The following PHF21B variants were observed in gnomAD, a reference collection of about 807,000 sequenced individuals.
PHF21B encodes PHD finger protein 4.
Under a neutral mutation model 62.2 loss-of-function variants are expected in PHF21B, and 22 were observed. That is an observed-to-expected ratio of 0.35 (90% CI 0.25 to 0.51). PHF21B has a LOEUF of 0.51. PHF21B is among the 20% of genes least tolerant of loss of function. The pLI is 0.97. For missense variants in PHF21B, 701 were observed against 707.9 expected, an observed-to-expected ratio of 0.99 and a Z score of 0.11; for synonymous variants, 341 against 314.7, an observed-to-expected ratio of 1.08 and a Z score of -0.88.
intron 4 of PHF21B, 116 bp from the exon 5 acceptor site, chr22:44,914,204 C>T: frequency 3.5e-6 from 2 of 569,364 alleles, no homozygotes; most frequent in Non-Finnish European, 6.3e-6. Context: ...CCAGGCCAAC[C>T]TGGGAGGGCG....
intron 2 of PHF21B, among the ~76,000 whole-genome samples, chr22:44,942,822 A>T (rs1365177432): frequency 6.6e-6 from 1 of 152,150 alleles, no homozygotes; most frequent in East Asian, 1.9e-4. Context: ...TTCAGCAGCA[A>T]ACCCTTGCCC....
Position 45,008,624 on chromosome 22 carries a change from G to T in PHF21B, c.55-14C>A, listed in dbSNP as rs1260752918. The T allele has an allele frequency of 1.3e-6, 2 of 1,578,562 alleles. No homozygotes were observed. The highest frequency in any genetic ancestry group is 1.8e-4 in the Middle Eastern group (1 of 5,576). ...GAGGTCGCCGTTCTGCGGAAACACG[G>T]AGGAGCGGGCTCAGGCAGGCCACCC... On this transcript the variant is annotated splice_polypyrimidine_tract_variant and intron_variant, in intron 1 of 12. Transcript: ENST00000313237.
intron 2 of PHF21B, 49 bp from the exon 3 acceptor site, chr22:44,920,539 C>G (rs770773868): frequency 1.4e-6 from 2 of 1,460,292 alleles, no homozygotes; most frequent in Non-Finnish European, 1.9e-6. Flanking sequence ...CAGCTGAGAC[C>G]GAATCCGTTG....
chr22:44,885,356 C>A, intron 12 of PHF21B, 70 bp downstream of exon 12: 1 of 1,401,078 alleles, frequency 7.1e-7, no homozygotes, highest in South Asian at 1.3e-5. Flanking sequence ...AAGGACACAT[C>A]TATCTGTCCC....
chr22:44,886,795 C>A (rs1292881832), intron 10 of PHF21B, among the ~76,000 whole-genome samples: 2 of 152,190 alleles, frequency 1.3e-5, no homozygotes, highest in Non-Finnish European at 2.9e-5. Context: ...TATCCACAGC[C>A]TTTGATCCCC....
Position 44,998,226 on chromosome 22 carries a change from A to T in PHF21B, c.120+10319T>A, listed in dbSNP as rs183336699. On this transcript the variant is annotated intron_variant, in intron 2 of 12. Transcript: ENST00000313237. ...AGAGTCTAGCAACCATTCTCAAAAC[A>T]CCCAGGTGTCCTGAGGGTCCTTTCT... 1.7e-3 allele frequency among the ~76,000 whole-genome samples: 261 copies of T among 152,294 alleles called. 5 individuals carry two copies. Among genetic ancestry groups the T allele is most frequent in the Admixed American group, 0.015 (231 of 15,292 alleles).
At chr22:44,928,147 A>G (rs2071669512) in intron 2 of PHF21B, among the ~76,000 whole-genome samples, 1 of 152,140 alleles carries the variant, frequency 6.6e-6, no homozygotes, top group African/African-American at 2.4e-5. Flanking sequence ...GCCAGGGCAG[A>G]GGGGTTCCAG....
rs758157269 is a variant in PHF21B, at chr22:44,920,419, T to C, written c.192A>G (p.Gln64=). 2 of 1,612,028 alleles carry C rather than the reference T, an allele frequency of 1.2e-6. No homozygotes were observed. Among genetic ancestry groups the C allele is most frequent in the Non-Finnish European group, 1.7e-6 (2 of 1,178,884 alleles). The change falls in exon 3 of 13, where the codon CAA becomes CAG. Residue 64 remains glutamine (Q), a synonymous_variant. Transcript: ENST00000313237. ...QVSSLQRLAG[Q]GAAVLPQVRP... ...TTACCTGAGGTAGCACTGCCGCTCC[T>C]TGCCCGGCCAACCTCTGCAAGGAGC...
chr22:44,993,778 C>G (rs1310068918), intron 2 of PHF21B, among the ~76,000 whole-genome samples: 1 of 152,238 alleles, frequency 6.6e-6, no homozygotes, highest in Non-Finnish European at 1.5e-5. Context: ...GGCTGTGCTT[C>G]TAAAGCAATC....
chr22:44,932,600 G>T (rs2071763499), intron 2 of PHF21B, among the ~76,000 whole-genome samples: 1 of 152,238 alleles, frequency 6.6e-6, no homozygotes, highest in South Asian at 2.1e-4. Flanking sequence ...AGTCCCGCTG[G>T]CCTCAGCTTC....
chr22:44,896,880 G>GTTTGTTTTT (rs1555933165), intron 5 of PHF21B, among the ~76,000 whole-genome samples: 1 of 84,092 alleles, frequency 1.2e-5, no homozygotes, highest in African/African-American at 4.1e-5. Context: ...AGTTTTATCT[G>GTTTGTTTTT]TTTTTTTTTT....
intron 5 of PHF21B, among the ~76,000 whole-genome samples, chr22:44,903,593 C>T (rs879281148): frequency 8.5e-5 from 13 of 152,216 alleles, no homozygotes; most frequent in Admixed American, 2.0e-4. Context: ...GATCAACTGG[C>T]TTCATTCTGA....
intron 2 of PHF21B, among the ~76,000 whole-genome samples, chr22:44,957,459 G>A (rs1383404856): frequency 1.3e-5 from 2 of 152,196 alleles, no homozygotes; most frequent in African/African-American, 2.4e-5. Flanking sequence ...GCCACTGTCC[G>A]TCCTCATGCT....
At position 44,885,433 on chromosome 22, in the gene PHF21B, G is replaced by T; in HGVS notation, c.1370C>A (p.Ala457Glu). ...CCAGGCCCCGGGGCACACCTGCACT[G>T]CTGACGCCAGCCGCCGGTCCCGCTC... ...LEERDRRLAS[A>E]VQKCLELKTS... is the part of the protein sequence containing the mutation. The change falls in exon 12 of 13, where the codon GCA becomes GAA. Residue 457 changes from alanine to glutamate, a missense_variant. Physicochemically the swap from Ala to Glu is moderately radical, Grantham distance 107 (BLOSUM62 -1). Transcript: ENST00000313237. The T allele has an allele frequency of 6.3e-7, 1 of 1,577,286 alleles. No individual in the cohort carries two copies. The highest frequency in any genetic ancestry group is 8.6e-7 in the Non-Finnish European group (1 of 1,163,924).
At chr22:44,996,699 T>C (rs538428570) in intron 2 of PHF21B, among the ~76,000 whole-genome samples, 64 of 151,402 alleles carry the variant, frequency 4.2e-4, no homozygotes, top group Non-Finnish European at 8.0e-4. Context: ...CATACATGCA[T>C]ATACACATGC....
At position 44,897,097 on chromosome 22, in the gene PHF21B, T is replaced by G. The variant is rs966407792; in HGVS notation, c.832-1014A>C. 1.6e-4 allele frequency among the ~76,000 whole-genome samples: 24 copies of G among 152,226 alleles called. 3 individuals carry two copies. Among genetic ancestry groups the G allele is most frequent in the Admixed American group, 6.5e-4 (10 of 15,286 alleles). ...TTTTGCCATGTTGCCCAGGCTGGTC[T>G]TGAACTCCTGGGTGCAGGCCTACCC... On this transcript the variant is annotated intron_variant, in intron 5 of 12. Coordinates refer to ENST00000313237, the MANE Select transcript of PHF21B (RefSeq NM_138415.5).
At chr22:44,941,603 G>C (rs1009983343) in intron 2 of PHF21B, among the ~76,000 whole-genome samples, 2 of 152,224 alleles carry the variant, frequency 1.3e-5, no homozygotes, top group Non-Finnish European at 2.9e-5. Flanking sequence ...ATTGTGAGAC[G>C]CCACCAACCC....
chr22:44,955,551 G>A (rs1415280453), intron 2 of PHF21B, among the ~76,000 whole-genome samples: 1 of 152,194 alleles, frequency 6.6e-6, no homozygotes, highest in African/African-American at 2.4e-5. Flanking sequence ...TGAGGGCCCA[G>A]ATAGAACAAA....
intron 2 of PHF21B, among the ~76,000 whole-genome samples, chr22:44,959,900 C>G (rs975632009): frequency 6.6e-6 from 1 of 152,182 alleles, no homozygotes; most frequent in South Asian, 2.1e-4. Context: ...CTGAGCCAAA[C>G]GTGAGGCAGC....
Sources: allele counts gnomAD v4.1 joint callset (sites outside exome capture counted in the v4.1 genomes callset), GRCh38; gene constraint gnomAD v4.1.1; transcripts MANE v1.5; gene names NCBI Gene and HGNC (gene_info 2026-07-23, HGNC 2026-07-21).